The following LRP11 variants were observed in gnomAD, a reference collection of about 807,000 sequenced individuals.
LRP11 encodes low-density lipoprotein receptor-related protein 11.
LRP11 carries 25 observed loss-of-function variants against 43.1 expected under a neutral mutation model. That is an observed-to-expected ratio of 0.58 (90% CI 0.42 to 0.81). The LOEUF is 0.81. Among genes scored for constraint, LRP11 ranks in the 30% least tolerant of loss-of-function variants. The pLI is 0.00. For synonymous variants in LRP11, 316 were observed against 299.4 expected (o/e 1.06, Z -0.57); for missense variants, 623 against 665.1 (o/e 0.94, Z 0.70).
intron 2 of LRP11, among the ~76,000 whole-genome samples, chr6:149,850,505 G>T (rs542437199): frequency 6.6e-6 from 1 of 152,262 alleles, no homozygotes; most frequent in South Asian, 2.1e-4. Context: ...AACCAATAAG[G>T]TGTTCAACTG....
chr6:149,833,239 T>C (rs892820889), intron 5 of LRP11, among the ~76,000 whole-genome samples: 8 of 152,162 alleles, frequency 5.3e-5, no homozygotes, highest in Admixed American at 1.3e-4. Context: ...GCCCGGCCAA[T>C]AATGCACTTT....
At chr6:149,845,862 T>A (rs1179496902) in intron 2 of LRP11, among the ~76,000 whole-genome samples, 1 of 151,886 alleles carries the variant, frequency 6.6e-6, no homozygotes, top group Non-Finnish European at 1.5e-5. Context: ...GTTTGAGACC[T>A]CAAGATTGCA....
At chr6:149,838,025 C>G (rs979381048) in intron 3 of LRP11, among the ~76,000 whole-genome samples, 2 of 152,146 alleles carry the variant, frequency 1.3e-5, no homozygotes, top group African/African-American at 4.8e-5. Flanking sequence ...TCAAGAGATT[C>G]TCTTGCCTCA....
chr6:149,823,021 G>A (rs1776295770), intron 6 of LRP11, among the ~76,000 whole-genome samples: 1 of 151,988 alleles, frequency 6.6e-6, no homozygotes. Flanking sequence ...GGTGAGCCAG[G>A]AACGAGGTCC....
At chr6:149,831,829 A>G (rs1314432360) in intron 5 of LRP11, among the ~76,000 whole-genome samples, 1 of 152,032 alleles carries the variant, frequency 6.6e-6, no homozygotes, top group East Asian at 1.9e-4. Context: ...CCACAAGCTG[A>G]TTTCTGTAGT....
intron 4 of LRP11, among the ~76,000 whole-genome samples, chr6:149,836,886 C>T (rs1470140938): frequency 6.6e-6 from 1 of 152,042 alleles, no homozygotes; most frequent in South Asian, 2.1e-4. Flanking sequence ...TGAGACTCTT[C>T]GTCCTTCCTC....
intron 3 of LRP11, among the ~76,000 whole-genome samples, chr6:149,839,672 TGAG>T (rs1776519943): frequency 6.6e-6 from 1 of 152,210 alleles, no homozygotes; most frequent in Non-Finnish European, 1.5e-5. Flanking sequence ...TCTATTTATT[TGAG>T]ACGGAGTCTC....
At chr6:149,852,920 T>C in intron 2 of LRP11, 83 bp downstream of exon 2, 1 of 1,279,636 alleles carries the variant, frequency 7.8e-7, no homozygotes, top group Non-Finnish European at 1.1e-6. Context: ...TACAGACATT[T>C]AGGGAGCATG....
rs554456925 is a variant in LRP11 at position 149,852,065 on chromosome 6, C to G, written c.771+938G>C. ...CATAATTCAGTAACCTCCACCTGGTCTCTCCCTTGACACGTGGAGATTATG... is the reference window on the plus strand; with the variant it reads ...CATAATTCAGTAACCTCCACCTGGTGTCTCCCTTGACACGTGGAGATTATG... On this transcript the variant is annotated intron_variant, in intron 2 of 6. Transcript: ENST00000239367. 2.6e-5 allele frequency among the ~76,000 whole-genome samples: 4 copies of G among 152,226 alleles called. No individual in the cohort carries two copies. In the South Asian group the frequency reaches 8.3e-4, roughly 32 times the overall value.
At chr6:149,862,577 CTTTTTTTTT>C (rs10553273) in intron 1 of LRP11, among the ~76,000 whole-genome samples, 2 of 126,202 alleles carry the variant, frequency 1.6e-5, no homozygotes, top group South Asian at 2.5e-4. Flanking sequence ...TTTTCTTTTC[CTTTTTTTTT>C]TTTTTTTTTT....
At chr6:149,824,452 T>G (rs1429339080) in intron 6 of LRP11, among the ~76,000 whole-genome samples, 1 of 152,228 alleles carries the variant, frequency 6.6e-6, no homozygotes. Flanking sequence ...GTTTGGATAA[T>G]TTGAGATTTA....
Position 149,863,489 on chromosome 6 carries a change from G to A in LRP11, c.532C>T (p.His178Tyr). 2 of 1,345,646 alleles carry A rather than the reference G, an allele frequency of 1.5e-6. No homozygotes were observed. Among genetic ancestry groups the A allele is most frequent in the African/African-American group, 1.5e-5 (1 of 65,132 alleles). 83.4% of individuals were successfully genotyped at this position (1,345,646 alleles called of 1,614,324 possible). A position where few individuals can be genotyped will look rare whatever the true frequency, so the allele number is the denominator to read the frequency against. The part of the protein sequence containing the change: ...RGRNVCKFAL[H>Y]SGYSSYSLSR... Reference sequence around the variant, plus strand: ...AGGCTGTAGCTGCTGTAGCCGCTGTGCAGCGCGAACTTGCAGACGTTGCGG... The same window carrying A: ...AGGCTGTAGCTGCTGTAGCCGCTGTACAGCGCGAACTTGCAGACGTTGCGG... Residue 178 changes from histidine to tyrosine, a missense_variant, in exon 1 of 7, where the codon CAC becomes TAC. Transcript: ENST00000239367.
chr6:149,854,782 G>A lies in LRP11; in HGVS notation c.614-1622C>T, dbSNP rs558028067. ...AGGCACCGCCTCTCCTCCTGCTTTC[G>A]AGCCCATCACTTTCCTCCACAGGGG... On this transcript the variant is annotated intron_variant, in intron 1 of 6. Transcript: ENST00000239367. Among the ~76,000 whole-genome samples, 109 of 152,162 alleles carry A rather than the reference G, an allele frequency of 7.2e-4. No homozygotes were observed. The South Asian group carries it at 7.9e-3, about 11-fold the overall frequency.
intron 1 of LRP11, among the ~76,000 whole-genome samples, chr6:149,858,193 C>T (rs971296431): frequency 2.0e-5 from 3 of 152,128 alleles, no homozygotes; most frequent in African/African-American, 7.2e-5. Flanking sequence ...TAATGCTATC[C>T]CTTCCCTTGA....
At chr6:149,826,714 A>G (rs1327930590) in intron 5 of LRP11, among the ~76,000 whole-genome samples, 2 of 152,180 alleles carry the variant, frequency 1.3e-5, no homozygotes, top group Non-Finnish European at 2.9e-5. Context: ...TTTTCTTTGA[A>G]GAATAAACAA....
chr6:149,852,919 T>G, intron 2 of LRP11, 84 bp downstream of exon 2: 4 of 1,272,912 alleles, frequency 3.1e-6, no homozygotes, highest in Non-Finnish European at 4.3e-6. Flanking sequence ...GTACAGACAT[T>G]TAGGGAGCAT....
At chr6:149,842,089 T>G (rs962774174) in intron 3 of LRP11, among the ~76,000 whole-genome samples, 8 of 152,222 alleles carry the variant, frequency 5.3e-5, no homozygotes, top group Non-Finnish European at 1.5e-5. Context: ...GGTAGCACTT[T>G]CAAATTGATG....
At chr6:149,826,453 G>A in intron 5 of LRP11, 94 bp from the exon 6 acceptor site, 1 of 818,420 alleles carries the variant, frequency 1.2e-6, no homozygotes. Context: ...TTTTTAAGAT[G>A]GACTTAGAGA....
At chr6:149,848,157 A>G (rs1171157944) in intron 2 of LRP11, among the ~76,000 whole-genome samples, 1 of 151,238 alleles carries the variant, frequency 6.6e-6, no homozygotes, top group Non-Finnish European at 1.5e-5. Context: ...TGCCCTTATA[A>G]AAGAGGTCCC....
Sources: allele counts gnomAD v4.1 joint callset (sites outside exome capture counted in the v4.1 genomes callset), GRCh38; gene constraint gnomAD v4.1.1; transcripts MANE v1.5; gene names NCBI Gene and HGNC (gene_info 2026-07-23, HGNC 2026-07-21).